Variants in SFMBT2 observed in about 807,000 individuals in gnomAD.
The protein encoded by SFMBT2 is scm-like with four MBT domains protein 2.
Under a neutral mutation model 110.1 loss-of-function variants are expected in SFMBT2, and 38 were observed. That is an observed-to-expected ratio of 0.35 (90% CI 0.27 to 0.45). The LOEUF is 0.45. Ranked by LOEUF, SFMBT2 falls within the 20% of genes least tolerant of loss-of-function variation. SFMBT2 has a pLI of 1.00. For synonymous variants in SFMBT2, 425 were observed against 425.4 expected, an observed-to-expected ratio of 1.00 and a Z score of 0.01; for missense variants, 1,011 against 1,094.9, an observed-to-expected ratio of 0.92 and a Z score of 1.08.
chr10:7,377,566 G>C (rs1480233943), intron 2 of SFMBT2, among the ~76,000 whole-genome samples: 2 of 152,154 alleles, frequency 1.3e-5, no homozygotes, highest in African/African-American at 2.4e-5. Flanking sequence ...GTCCCATCTG[G>C]GGGTGATGGG....
At chr10:7,258,319 C>T (rs897878847) in intron 7 of SFMBT2, among the ~76,000 whole-genome samples, 15 of 152,188 alleles carry the variant, frequency 9.9e-5, no homozygotes, top group African/African-American at 3.6e-4. Context: ...TGTCAACCTT[C>T]GGTCCTTTGC....
chr10:7,407,559 C>T (rs561267962), intron 1 of SFMBT2, among the ~76,000 whole-genome samples: 3 of 152,284 alleles, frequency 2.0e-5, no homozygotes, highest in East Asian at 3.9e-4. Context: ...CCAAACCCGG[C>T]TCGGTTCGGC....
At chr10:7,372,991 T>C (rs1845102251) in intron 2 of SFMBT2, among the ~76,000 whole-genome samples, 1 of 152,216 alleles carries the variant, frequency 6.6e-6, no homozygotes, top group South Asian at 2.1e-4. Flanking sequence ...GTGTCACTTC[T>C]GTGCTACAAG....
intron 4 of SFMBT2, among the ~76,000 whole-genome samples, chr10:7,292,789 G>C (rs1842298308): frequency 6.6e-6 from 1 of 152,100 alleles, no homozygotes; most frequent in Admixed American, 6.5e-5. Flanking sequence ...GGCTGAGGCG[G>C]GCGGATCACC....
intron 6 of SFMBT2, among the ~76,000 whole-genome samples, chr10:7,277,966 G>A (rs937606942): frequency 1.2e-4 from 18 of 152,190 alleles, no homozygotes; most frequent in Non-Finnish European, 2.9e-5. Flanking sequence ...TTAAGCCCCT[G>A]TTTCCGCAGT....
rs1318458012 is a variant in SFMBT2 at position 7,160,447 on chromosome 10, G to C, written c.*3323C>G. ...TTTCTCAGGGTTTTCAAACGGCGCAGACTGCAGAGTCTCCCGGGCCAGTTC... is the reference window on the plus strand; with the variant it reads ...TTTCTCAGGGTTTTCAAACGGCGCACACTGCAGAGTCTCCCGGGCCAGTTC... On this transcript the variant is annotated 3_prime_UTR_variant, in exon 21 of 21. Coordinates refer to ENST00000397167, the MANE Select transcript of SFMBT2 (RefSeq NM_001387889.1). The C allele has an allele frequency of 6.6e-6, 1 of 152,260 alleles. No individual in the cohort carries two copies. The highest frequency in any genetic ancestry group is 1.5e-5 in the Non-Finnish European group (1 of 68,098). 9.4% of individuals were successfully genotyped at this position (152,260 alleles called of 1,614,324 possible).
At chr10:7,320,477 C>G in intron 4 of SFMBT2, 1 of 512,958 alleles carries the variant, frequency 1.9e-6, no homozygotes, top group Non-Finnish European at 2.5e-6. Flanking sequence ...CCTTTGAAAT[C>G]TTCTTTCCTT....
At chr10:7,354,897 G>T (rs1363099081) in intron 4 of SFMBT2, among the ~76,000 whole-genome samples, 2 of 152,212 alleles carry the variant, frequency 1.3e-5, no homozygotes, top group African/African-American at 4.8e-5. Context: ...ATGAGTCTGG[G>T]TGTTCTGCTG....
At chr10:7,279,292 T>C (rs886209360) in intron 6 of SFMBT2, among the ~76,000 whole-genome samples, 1 of 152,110 alleles carries the variant, frequency 6.6e-6, no homozygotes, top group African/African-American at 2.4e-5. Flanking sequence ...CCATCTCTCC[T>C]CCTCCACACC....
At chr10:7,167,586 T>C (rs1261303098) in intron 20 of SFMBT2, among the ~76,000 whole-genome samples, 1 of 152,150 alleles carries the variant, frequency 6.6e-6, no homozygotes, top group Non-Finnish European at 1.5e-5. Flanking sequence ...AGACAATGCC[T>C]GCGGTGACCT....
rs139546965 is a variant in SFMBT2, at chr10:7,343,328, T to G, written c.436+24321A>C. On this transcript the variant is annotated intron_variant, in intron 4 of 20. Transcript: ENST00000397167. ...TGAGGTTGATTCCATGCCTTTGCTA[T>G]TATGAATAGTGCTGTGGTGAACACA... Among the ~76,000 whole-genome samples, 1,142 of 152,304 alleles carry G rather than the reference T, an allele frequency of 7.5e-3. 18 individuals carry two copies. Among genetic ancestry groups the G allele is most frequent in the African/African-American group, 0.026 (1,076 of 41,544 alleles).
chr10:7,381,016 T>C (rs574957725), intron 2 of SFMBT2, among the ~76,000 whole-genome samples: 2 of 152,148 alleles, frequency 1.3e-5, no homozygotes, highest in South Asian at 4.2e-4. Context: ...ACCACCGTAC[T>C]CCAACCTGGG....
At chr10:7,332,138 C>G (rs1488161353) in intron 4 of SFMBT2, among the ~76,000 whole-genome samples, 1 of 151,980 alleles carries the variant, frequency 6.6e-6, no homozygotes, top group Non-Finnish European at 1.5e-5. Context: ...GGTATTGGCT[C>G]TTGGTACCAA....
chr10:7,331,283 C>T (rs1843552205), intron 4 of SFMBT2, among the ~76,000 whole-genome samples: 3 of 152,188 alleles, frequency 2.0e-5, no homozygotes, highest in Admixed American at 2.0e-4. Flanking sequence ...ACTGTCTAAC[C>T]AGGAGTCTGT....
At chr10:7,315,096 G>GAAAC (rs1421912547) in intron 4 of SFMBT2, among the ~76,000 whole-genome samples, 1 of 144,928 alleles carries the variant, frequency 6.9e-6, no homozygotes, top group East Asian at 2.0e-4. Context: ...AAGAAAGAAA[G>GAAAC]AAAGAAAGAA....
At chr10:7,396,839 C>T (rs867237302) in intron 1 of SFMBT2, among the ~76,000 whole-genome samples, 2 of 144,804 alleles carry the variant, frequency 1.4e-5, no homozygotes, top group South Asian at 2.2e-4. Context: ...TAGGTGGGAA[C>T]TGAACAATGA....
chr10:7,286,138 C>G (rs75467254), intron 4 of SFMBT2, among the ~76,000 whole-genome samples, 184 bp from the exon 5 acceptor site: 174 of 152,330 alleles, frequency 1.1e-3, no homozygotes, highest in Non-Finnish European at 2.1e-3. Context: ...AAATGTGTCT[C>G]TAAGTAGCAA....
chr10:7,380,508 C>T (rs1043478959), intron 2 of SFMBT2, among the ~76,000 whole-genome samples: 9 of 152,198 alleles, frequency 5.9e-5, no homozygotes, highest in Non-Finnish European at 1.3e-4. Context: ...TGAAGACAAA[C>T]TTTGTGACTT....
At chr10:7,362,820 G>C (rs1383258101) in intron 4 of SFMBT2, among the ~76,000 whole-genome samples, 2 of 152,224 alleles carry the variant, frequency 1.3e-5, no homozygotes, top group Non-Finnish European at 1.5e-5. Context: ...CTCACAATCT[G>C]TTAAACTGTC....
Sources: gnomAD v4.1 joint callset for allele counts (sites outside exome capture counted in the v4.1 genomes callset) on GRCh38, gnomAD v4.1.1 for gene constraint, MANE v1.5 for transcripts, NCBI Gene and HGNC (gene_info 2026-07-23, HGNC 2026-07-21) for gene names.